Variants in DPP6 observed in about 807,000 individuals in gnomAD.
The protein encoded by DPP6 is A-type potassium channel modulatory protein DPP6.
In DPP6, 69 loss-of-function variants were observed where a neutral mutation model predicts 122.6. The observed-to-expected ratio is 0.56, with a 90% CI of 0.46 to 0.69. The LOEUF is 0.69. DPP6 is among the 30% of genes least tolerant of loss of function. The probability of loss-of-function intolerance (pLI) is 0.00; values close to 1 mark genes in which losing one functional copy is unlikely to be tolerated. For synonymous variants in DPP6, 418 were observed against 433.1 expected (o/e 0.97, Z 0.43); for missense variants, 928 against 1,116.9 (o/e 0.83, Z 2.41).
intron 13 of DPP6, among the ~76,000 whole-genome samples, 194 bp from the exon 14 acceptor site, chr7:154,803,670 C>T (rs1249626148): frequency 6.6e-6 from 1 of 152,078 alleles, no homozygotes; most frequent in African/African-American, 2.4e-5. Context: ...AGGCTGCGGG[C>T]CTGGGGTTGG....
chr7:154,179,621 A>G (rs963756523), intron 1 of DPP6, among the ~76,000 whole-genome samples: 3 of 152,178 alleles, frequency 2.0e-5, no homozygotes, highest in African/African-American at 7.2e-5. Context: ...CTTTTCCCCT[A>G]CATCAAAACC....
chr7:154,116,489 C>T (rs1297603879), intron 1 of DPP6, among the ~76,000 whole-genome samples: 1 of 152,152 alleles, frequency 6.6e-6, no homozygotes, highest in Non-Finnish European at 1.5e-5. Context: ...TTTTCTAATT[C>T]TCCCAGAAAG....
chr7:154,779,654 T>A (rs11766475), intron 10 of DPP6, among the ~76,000 whole-genome samples: 37,741 of 152,062 alleles, frequency 0.25, 5,277 homozygotes, highest in East Asian at 0.4. Context: ...TTGGAGGGTT[T>A]GCTGGCAAAA....
chr7:154,863,974 G>A lies in DPP6; in HGVS notation c.1715-4021G>A. 6.6e-6 allele frequency among the ~76,000 whole-genome samples: 1 copy of A among 152,116 alleles called. No homozygotes were observed. The highest frequency in any genetic ancestry group is 1.5e-5 in the Non-Finnish European group (1 of 68,020). On this transcript the variant is annotated intron_variant, in intron 17 of 25. Transcript: ENST00000377770. This position sits in a 1 kb window ranked among gnomAD's most constrained non-coding sequence, Gnocchi z 4.1. ...TGCAAGAGCACAGGGAGGGGGCGAG[G>A]TGGGGCAGAGAGGGGTCCTACTGAT...
chr7:154,594,723 C>G (rs573757053), intron 5 of DPP6, among the ~76,000 whole-genome samples: 4 of 152,208 alleles, frequency 2.6e-5, no homozygotes, highest in African/African-American at 4.8e-5. Context: ...CCTACCACAA[C>G]GTTGAACTTA....
intron 16 of DPP6, among the ~76,000 whole-genome samples, chr7:154,824,261 G>A (rs1168818930): frequency 3.7e-5 from 2 of 53,944 alleles, no homozygotes; most frequent in East Asian, 9.1e-4. Flanking sequence ...TGTTGTTGTT[G>A]TTGTTGTTTT....
At chr7:154,625,206 T>C (rs1321601248) in intron 5 of DPP6, among the ~76,000 whole-genome samples, 7 of 152,140 alleles carry the variant, frequency 4.6e-5, no homozygotes, top group African/African-American at 1.7e-4. Flanking sequence ...GGTAAGCAGC[T>C]GATGAAAAGT....
chr7:154,531,510 G>A (rs1190255213), intron 3 of DPP6, among the ~76,000 whole-genome samples: 1 of 152,104 alleles, frequency 6.6e-6, no homozygotes, highest in African/African-American at 2.4e-5. Flanking sequence ...TTTGCCAGCA[G>A]ACCCATACAA....
At chr7:153,828,991 T>C in the DPP6 span, among the ~76,000 whole-genome samples, 1 of 152,214 alleles carries the variant, frequency 6.6e-6, no homozygotes, top group African/African-American at 2.4e-5. Context: ...TGGGTTTCTT[T>C]CCAATCATGC....
intron 10 of DPP6, among the ~76,000 whole-genome samples, chr7:154,791,875 G>C (rs1014966238): frequency 1.3e-5 from 2 of 152,224 alleles, no homozygotes; most frequent in Middle Eastern, 3.2e-3. Flanking sequence ...TGTTCTGGAG[G>C]CATCAAGAGA....
chr7:154,703,275 C>T (rs946240480), intron 7 of DPP6, among the ~76,000 whole-genome samples: 10 of 152,194 alleles, frequency 6.6e-5, no homozygotes, highest in African/African-American at 2.4e-4. Context: ...ATCCATTTTG[C>T]AGCACATGAA....
At chr7:154,401,878 A>G (rs2151187560) in intron 1 of DPP6, among the ~76,000 whole-genome samples, 1 of 152,318 alleles carries the variant, frequency 6.6e-6, no homozygotes, top group East Asian at 1.9e-4. Flanking sequence ...CAGAATCTAC[A>G]ATGAACTCAA....
At chr7:153,975,689 C>A (rs1184974194) in intron 1 of DPP6, among the ~76,000 whole-genome samples, 1 of 151,590 alleles carries the variant, frequency 6.6e-6, no homozygotes, top group African/African-American at 2.4e-5. Flanking sequence ...AATGGTAAAA[C>A]ATGAACTGGA....
In DPP6 at chr7:154,308,423, C is replaced by T. The variant is rs1367202547; in HGVS notation, c.244-137791C>T. On this transcript the variant is annotated intron_variant, in intron 1 of 25. Coordinates refer to ENST00000377770, the MANE Select transcript of DPP6 (RefSeq NM_130797.4). ...AGAATTGGCTTCTGGGAGACTATTTCTCTTTCTCTTTGGAGATGCTAAAGT... is the reference window on the plus strand; with the variant it reads ...AGAATTGGCTTCTGGGAGACTATTTTTCTTTCTCTTTGGAGATGCTAAAGT... Among the ~76,000 whole-genome samples, 3 of 152,100 alleles carry T rather than the reference C, an allele frequency of 2.0e-5. No homozygotes were observed. In the East Asian group the frequency reaches 5.8e-4, roughly 29 times the overall value.
At chr7:154,208,294 G>A (rs1289485795) in intron 1 of DPP6, among the ~76,000 whole-genome samples, 1 of 152,214 alleles carries the variant, frequency 6.6e-6, no homozygotes, top group African/African-American at 2.4e-5. Flanking sequence ...CTAGGTAAGA[G>A]TTGGCTAGAG....
At chr7:154,731,975 A>G (rs1308986567) in intron 8 of DPP6, among the ~76,000 whole-genome samples, 4 of 152,046 alleles carry the variant, frequency 2.6e-5, no homozygotes, top group Non-Finnish European at 5.9e-5. Flanking sequence ...TGTTACCGCC[A>G]TTACATGGTT....
intron 1 of DPP6, among the ~76,000 whole-genome samples, chr7:154,210,946 G>A (rs1799708574): frequency 6.6e-6 from 1 of 152,158 alleles, no homozygotes; most frequent in African/African-American, 2.4e-5. Context: ...TTATAAGCTG[G>A]GTATATTCTC....
chr7:154,841,015 C>T (rs542101665), intron 16 of DPP6, among the ~76,000 whole-genome samples: 2 of 152,288 alleles, frequency 1.3e-5, no homozygotes, highest in Admixed American at 6.5e-5. Context: ...GTTCCAAGTA[C>T]AGTTGAAGAG....
chr7:154,848,446 T>G (rs1314444058), intron 16 of DPP6, among the ~76,000 whole-genome samples: 1 of 152,228 alleles, frequency 6.6e-6, no homozygotes, highest in Non-Finnish European at 1.5e-5. Context: ...TTTTCATGTA[T>G]CTATTTTCTA....
Sources: allele counts gnomAD v4.1 joint callset (sites outside exome capture counted in the v4.1 genomes callset), GRCh38; gene constraint gnomAD v4.1.1; non-coding constraint Gnocchi (gnomAD v3.1); transcripts MANE v1.5; gene names NCBI Gene and HGNC (gene_info 2026-07-23, HGNC 2026-07-21).